The following SLC24A2 variants were observed in gnomAD, a reference collection of about 807,000 sequenced individuals.
SLC24A2 encodes solute carrier family 24 member 2.
SLC24A2 carries 36 observed loss-of-function variants against 62.0 expected under a neutral mutation model. The ratio of observed to expected loss-of-function variants is 0.58; its 90% CI spans 0.44 to 0.77. The LOEUF (loss-of-function observed/expected upper bound fraction) is 0.77, where lower values mean the gene tolerates loss of function less well. SLC24A2 is among the 30% of genes least tolerant of loss of function. The pLI, the probability that SLC24A2 is intolerant of heterozygous loss-of-function variation, is 0.00. For missense variants in SLC24A2, 846 were observed against 817.9 expected (o/e 1.03, Z -0.42); for synonymous variants, 358 against 294.0 (o/e 1.22, Z -2.23).
chr9:19,887,430 G>A, the SLC24A2 span, among the ~76,000 whole-genome samples: 1 of 152,058 alleles, frequency 6.6e-6, no homozygotes, highest in Non-Finnish European at 1.5e-5. Flanking sequence ...TATGCAAATG[G>A]ACAACAAACA....
At chr9:19,642,997 T>C in intron 2 of SLC24A2, among the ~76,000 whole-genome samples, 1 of 150,642 alleles carries the variant, frequency 6.6e-6, no homozygotes, top group Non-Finnish European at 1.5e-5. Flanking sequence ...TTTTTTTTTT[T>C]TTTTTTTTTT....
At chr9:20,131,157 G>A in the SLC24A2 span, among the ~76,000 whole-genome samples, 1 of 152,072 alleles carries the variant, frequency 6.6e-6, no homozygotes, top group Non-Finnish European at 1.5e-5. Context: ...GAAGCAATAC[G>A]CGCCCTGTGC....
chr9:19,807,389 T>C, the SLC24A2 span, among the ~76,000 whole-genome samples: 1 of 152,254 alleles, frequency 6.6e-6, no homozygotes, highest in Non-Finnish European at 1.5e-5. Context: ...TTATTCAATG[T>C]GATATTTTAT....
At chr9:20,294,088 T>C in the SLC24A2 span, among the ~76,000 whole-genome samples, 1 of 152,068 alleles carries the variant, frequency 6.6e-6, no homozygotes, top group Admixed American at 6.5e-5. Flanking sequence ...ATCATCTTCT[T>C]GTTTTGTTTC....
intron 7 of SLC24A2, among the ~76,000 whole-genome samples, chr9:19,568,321 T>G (rs1034051242): frequency 6.6e-6 from 1 of 152,194 alleles, no homozygotes; most frequent in African/African-American, 2.4e-5. Context: ...CTTGTTCACT[T>G]TCTATGACCA....
chr9:19,651,946 T>C (rs926624467), intron 2 of SLC24A2, among the ~76,000 whole-genome samples: 68 of 152,296 alleles, frequency 4.5e-4, no homozygotes, highest in African/African-American at 1.6e-3. Context: ...CTGCAAATCT[T>C]GGTTCTTCTC....
intron 8 of SLC24A2, among the ~76,000 whole-genome samples, chr9:19,530,822 G>A (rs142778285): frequency 8.4e-4 from 128 of 152,270 alleles, no homozygotes; most frequent in African/African-American, 2.9e-3. Context: ...TTCATCATAA[G>A]CTAGAGGTAG....
chr9:19,606,532 C>T (rs2132924097), intron 4 of SLC24A2, among the ~76,000 whole-genome samples: 1 of 152,302 alleles, frequency 6.6e-6, no homozygotes, highest in Non-Finnish European at 1.5e-5. Flanking sequence ...GGCTAAAGTT[C>T]CCCCAGAGTC....
intron 5 of SLC24A2, among the ~76,000 whole-genome samples, chr9:19,592,667 C>A (rs189692220): frequency 6.6e-6 from 1 of 152,158 alleles, no homozygotes; most frequent in Non-Finnish European, 1.5e-5. Flanking sequence ...TCCCATCACA[C>A]AAACTTGCCT....
chr9:19,681,511 T>C (rs112871609), intron 2 of SLC24A2, among the ~76,000 whole-genome samples: 2 of 152,286 alleles, frequency 1.3e-5, no homozygotes, highest in Admixed American at 6.5e-5. Flanking sequence ...ACATTGTCTC[T>C]TTTGTTCCCT....
At chr9:20,187,505 C>T in the SLC24A2 span, among the ~76,000 whole-genome samples, 4 of 152,308 alleles carry the variant, frequency 2.6e-5, no homozygotes, top group Non-Finnish European at 5.9e-5. Flanking sequence ...CATGCCCTTC[C>T]TCTATTCTTC....
At chr9:19,976,497 T>C in the SLC24A2 span, among the ~76,000 whole-genome samples, 1 of 152,350 alleles carries the variant, frequency 6.6e-6, no homozygotes, top group East Asian at 1.9e-4. Flanking sequence ...CCTTCTACTG[T>C]GACTGTAAAT....
At chr9:19,860,223 G>A in the SLC24A2 span, among the ~76,000 whole-genome samples, 2 of 152,116 alleles carry the variant, frequency 1.3e-5, no homozygotes, top group African/African-American at 2.4e-5. Flanking sequence ...GAAAGAGTGG[G>A]GAGGACTTTA....
At chr9:19,909,131 A>G in the SLC24A2 span, among the ~76,000 whole-genome samples, 1 of 152,248 alleles carries the variant, frequency 6.6e-6, no homozygotes, top group Non-Finnish European at 1.5e-5. Flanking sequence ...GCACATATAT[A>G]CCATGGAATA....
chr9:19,618,268 CA>C (rs1817819709), intron 4 of SLC24A2, among the ~76,000 whole-genome samples: 1 of 152,110 alleles, frequency 6.6e-6, no homozygotes, highest in African/African-American at 2.4e-5. Context: ...GGGTATATCC[CA>C]GGGGAAAGAA....
the SLC24A2 span, among the ~76,000 whole-genome samples, chr9:20,263,861 GCCCCCC>G: frequency 3.2e-5 from 1 of 30,776 alleles, no homozygotes; most frequent in Admixed American, 4.5e-4. Context: ...TATCCCACCC[GCCCCCC>G]CCCCCCCATT....
At chr9:19,860,212 T>G in the SLC24A2 span, among the ~76,000 whole-genome samples, 4 of 152,210 alleles carry the variant, frequency 2.6e-5, no homozygotes, top group South Asian at 8.3e-4. Flanking sequence ...GGAGAGGAGA[T>G]GAAAGAGTGG....
chr9:19,572,952 G>C lies in SLC24A2; in HGVS notation c.1347+399C>G, dbSNP rs1056561633. 5.9e-5 allele frequency among the ~76,000 whole-genome samples: 9 copies of C among 152,248 alleles called. 1 individual carries two copies. In the South Asian group the frequency reaches 1.9e-3, roughly 32 times the overall value. ...ACAGAGAAAGGATTAAACTGCAGCAGGTATCAAGCTTTATCATACATTAAA... is the reference window on the plus strand; with the variant it reads ...ACAGAGAAAGGATTAAACTGCAGCACGTATCAAGCTTTATCATACATTAAA... On this transcript the variant is annotated intron_variant, in intron 7 of 10. Coordinates refer to ENST00000341998, the MANE Select transcript of SLC24A2 (RefSeq NM_020344.4).
the SLC24A2 span, among the ~76,000 whole-genome samples, chr9:20,033,221 T>C: frequency 6.6e-6 from 1 of 152,136 alleles, no homozygotes; most frequent in Non-Finnish European, 1.5e-5. Flanking sequence ...AGCAGTGTAG[T>C]AATAGTGAAA....
Sources: gnomAD v4.1 joint callset for allele counts (sites outside exome capture counted in the v4.1 genomes callset) on GRCh38, gnomAD v4.1.1 for gene constraint, MANE v1.5 for transcripts, NCBI Gene and HGNC (gene_info 2026-07-23, HGNC 2026-07-21) for gene names.